The following TMEM132C variants were observed in gnomAD, a reference collection of about 807,000 sequenced individuals.
TMEM132C encodes the protein transmembrane protein 132C.
Under a neutral mutation model 61.4 loss-of-function variants are expected in TMEM132C, and 29 were observed. The observed-to-expected ratio is 0.47, with a 90% CI of 0.35 to 0.64. The LOEUF (loss-of-function observed/expected upper bound fraction) is 0.64. Among genes scored for constraint, TMEM132C ranks in the 30% least tolerant of loss-of-function variants. TMEM132C has a pLI of 0.00. For missense variants in TMEM132C, 1,408 were observed against 1,476.9 expected, an observed-to-expected ratio of 0.95 and a Z score of 0.76; for synonymous variants, 656 against 633.1, an observed-to-expected ratio of 1.04 and a Z score of -0.54.
intron 4 of TMEM132C, among the ~76,000 whole-genome samples, chr12:128,650,545 G>A (rs1007662077): frequency 1.6e-4 from 24 of 151,992 alleles, no homozygotes; most frequent in Admixed American, 1.4e-3. Flanking sequence ...GCAACATAGT[G>A]AGACCCCATC....
intron 2 of TMEM132C, among the ~76,000 whole-genome samples, chr12:128,510,039 A>C (rs1872519452): frequency 6.6e-6 from 1 of 152,106 alleles, no homozygotes; most frequent in African/African-American, 2.4e-5. Context: ...AAGGTTAGAA[A>C]TTGTTCTTAG....
chr12:128,482,025 T>A (rs1593069076), intron 2 of TMEM132C, among the ~76,000 whole-genome samples: 1 of 152,240 alleles, frequency 6.6e-6, no homozygotes, highest in Admixed American at 6.5e-5. Context: ...ATATTGGCTG[T>A]TGGTCTGTCA....
chr12:128,500,685 A>G (rs1872140750), intron 2 of TMEM132C, among the ~76,000 whole-genome samples: 1 of 152,178 alleles, frequency 6.6e-6, no homozygotes, highest in Non-Finnish European at 1.5e-5. Context: ...TCAAAAGACC[A>G]CAGACGTTGG....
intron 2 of TMEM132C, among the ~76,000 whole-genome samples, chr12:128,509,713 G>A (rs1055505608): frequency 1.3e-5 from 2 of 152,076 alleles, no homozygotes; most frequent in African/African-American, 2.4e-5. Flanking sequence ...CATCAGCACT[G>A]GGGAAAATTC....
At chr12:128,448,409 G>A (rs1388416771) in intron 2 of TMEM132C, among the ~76,000 whole-genome samples, 1 of 152,206 alleles carries the variant, frequency 6.6e-6, no homozygotes, top group Non-Finnish European at 1.5e-5. Context: ...CTGCCAGTCA[G>A]CTAGGCAGCT....
At chr12:128,498,633 C>G (rs1266233180) in intron 2 of TMEM132C, among the ~76,000 whole-genome samples, 1 of 152,012 alleles carries the variant, frequency 6.6e-6, no homozygotes, top group Non-Finnish European at 1.5e-5. Context: ...TGGGATCATG[C>G]CACTGCACTC....
intron 2 of TMEM132C, among the ~76,000 whole-genome samples, chr12:128,465,498 G>C (rs986989559): frequency 4.6e-5 from 7 of 152,136 alleles, no homozygotes; most frequent in Admixed American, 4.6e-4. Flanking sequence ...ACCACACCCG[G>C]CCTCTTCATT....
rs1399659137 is a variant in TMEM132C at position 128,468,260 on chromosome 12, G to A, written c.974+52640G>A. ...AGTGAGGGGTGTGCAGGGAGGGCAG[G>A]GGGCTTAGACTTTCTCCTGAAAGCA... On this transcript the variant is annotated intron_variant, in intron 2 of 8. Transcript: ENST00000435159. Among the ~76,000 whole-genome samples the A allele has an allele frequency of 3.9e-5, 6 of 152,148 alleles. No homozygotes were observed. In the South Asian group the frequency reaches 1.2e-3, roughly 31 times the overall value.
intron 4 of TMEM132C, among the ~76,000 whole-genome samples, chr12:128,620,146 C>T (rs1216713326): frequency 4.7e-5 from 7 of 147,832 alleles, no homozygotes; most frequent in Non-Finnish European, 8.9e-5. Context: ...GTGGGAGGAT[C>T]GCTTAAGCCC....
chr12:128,584,498 A>G (rs1022594843), intron 3 of TMEM132C, among the ~76,000 whole-genome samples: 3 of 152,174 alleles, frequency 2.0e-5, no homozygotes, highest in African/African-American at 7.2e-5. Context: ...AAACACTGAC[A>G]CTGTTAGGGT....
intron 3 of TMEM132C, among the ~76,000 whole-genome samples, chr12:128,583,643 A>G (rs1875431001): frequency 2.0e-5 from 3 of 152,158 alleles, no homozygotes; most frequent in African/African-American, 7.2e-5. Flanking sequence ...TGGACCCTAG[A>G]GGACAGGAGG....
rs139111463 is a variant in TMEM132C, at chr12:128,461,338, T to C, written c.974+45718T>C. On this transcript the variant is annotated intron_variant, in intron 2 of 8. Coordinates refer to ENST00000435159, the MANE Select transcript of TMEM132C (RefSeq NM_001136103.3). ...GTGGGGGAGGCCTATGGACAATTGA[T>C]AAGTGCACACAGACCCCATCCGAAG... is the stretch of plus-strand genomic sequence containing the variant. Among the ~76,000 whole-genome samples the C allele has an allele frequency of 1.0e-3, 154 of 152,294 alleles. 1 individual carries two copies. The highest frequency in any genetic ancestry group is 3.4e-3 in the African/African-American group (141 of 41,564).
At chr12:128,309,240 A>G (rs1453775211) in intron 1 of TMEM132C, among the ~76,000 whole-genome samples, 1 of 152,208 alleles carries the variant, frequency 6.6e-6, no homozygotes, top group Non-Finnish European at 1.5e-5. Context: ...AGAAAGATTT[A>G]AATCTTGCTT....
intron 2 of TMEM132C, among the ~76,000 whole-genome samples, chr12:128,418,023 C>T (rs1868840840): frequency 6.6e-6 from 1 of 152,088 alleles, no homozygotes; most frequent in African/African-American, 2.4e-5. Context: ...GTATTCCCTC[C>T]CTTCCGATCT....
chr12:128,436,445 A>G (rs1162586266), intron 2 of TMEM132C, among the ~76,000 whole-genome samples: 1 of 152,212 alleles, frequency 6.6e-6, no homozygotes, highest in South Asian at 2.1e-4. Context: ...ACTTAAACAA[A>G]TTTACAAGAA....
chr12:128,409,371 A>G (rs1315720727), intron 1 of TMEM132C, among the ~76,000 whole-genome samples: 3 of 152,092 alleles, frequency 2.0e-5, no homozygotes, highest in Admixed American at 1.3e-4. Flanking sequence ...AATCTTGTAA[A>G]TCAGGAATCT....
rs906148511 is a variant in TMEM132C at position 128,707,866 on chromosome 12, A to C, written c.*1571A>C. 6.6e-6 allele frequency: 1 copy of C among 152,076 alleles called. No homozygotes were observed. Among genetic ancestry groups the C allele is most frequent in the South Asian group, 2.1e-4 (1 of 4,816 alleles). 9.4% of individuals were successfully genotyped at this position (152,076 alleles called of 1,614,324 possible). On this transcript the variant is annotated 3_prime_UTR_variant, in exon 9 of 9. Coordinates refer to ENST00000435159, the MANE Select transcript of TMEM132C (RefSeq NM_001136103.3). ...TGGAAAGAAGAAGATATTTATTTAT[A>C]CCTGTGATGCCAATTGTCATTAAAA... is the stretch of plus-strand genomic sequence containing the variant.
intron 1 of TMEM132C, among the ~76,000 whole-genome samples, chr12:128,294,986 A>AG (rs1363514579): frequency 6.7e-6 from 1 of 150,190 alleles, no homozygotes; most frequent in African/African-American, 2.5e-5. Flanking sequence ...ATAAATAAAT[A>AG]ATAGATAGAT....
intron 1 of TMEM132C, among the ~76,000 whole-genome samples, chr12:128,282,067 C>G (rs1408186011): frequency 2.0e-5 from 3 of 152,178 alleles, no homozygotes; most frequent in Non-Finnish European, 4.4e-5. Context: ...TTTAAACAAG[C>G]TCAAACATTT....
Sources: allele counts gnomAD v4.1 joint callset (sites outside exome capture counted in the v4.1 genomes callset), GRCh38; gene constraint gnomAD v4.1.1; transcripts MANE v1.5; gene names NCBI Gene and HGNC (gene_info 2026-07-23, HGNC 2026-07-21).